Variants in CASTOR2 observed in about 807,000 individuals in gnomAD.
The protein encoded by CASTOR2 is GATS protein like 2.
In CASTOR2, 8 loss-of-function variants were observed where a neutral mutation model predicts 31.2. That is an observed-to-expected ratio of 0.26 (90% CI 0.15 to 0.46). CASTOR2 has a LOEUF of 0.46. CASTOR2 is among the 20% of genes least tolerant of loss of function. CASTOR2 has a pLI of 0.99. For missense variants in CASTOR2, 216 were observed against 382.1 expected, an observed-to-expected ratio of 0.57 and a Z score of 3.62; for synonymous variants, 162 against 158.7, an observed-to-expected ratio of 1.02 and a Z score of -0.16.
At chr7:75,022,770 G>T (rs1456001691) in intron 7 of CASTOR2, among the ~76,000 whole-genome samples, 3 of 152,144 alleles carry the variant, frequency 2.0e-5, no homozygotes, top group Non-Finnish European at 4.4e-5. Context: ...TTGCACTCCT[G>T]CCTGGGCAAC....
intron 1 of CASTOR2, among the ~76,000 whole-genome samples, chr7:74,996,926 G>A (rs1480455287): frequency 1.3e-5 from 2 of 150,618 alleles, no homozygotes; most frequent in East Asian, 3.9e-4. Context: ...GTAGAGACGG[G>A]GTTTCACCAT....
intron 1 of CASTOR2, among the ~76,000 whole-genome samples, chr7:74,982,304 C>T (rs1444124694): frequency 2.7e-5 from 4 of 148,524 alleles, no homozygotes; most frequent in African/African-American, 1.0e-4. Context: ...TGGATCTCTG[C>T]TTCACTCTTC....
At chr7:75,019,419 G>C (rs1804941673) in intron 5 of CASTOR2, among the ~76,000 whole-genome samples, 2 of 152,240 alleles carry the variant, frequency 1.3e-5, no homozygotes, top group South Asian at 4.1e-4. Flanking sequence ...GCTAGTCTGA[G>C]GTAGGAGACA....
intron 1 of CASTOR2, among the ~76,000 whole-genome samples, chr7:75,001,849 C>A (rs1446858206): frequency 6.6e-6 from 1 of 152,140 alleles, no homozygotes; most frequent in Non-Finnish European, 1.5e-5. Context: ...CACTGTCATG[C>A]GCAGTTGGAT....
chr7:75,021,183 G>C (rs1029829499), intron 6 of CASTOR2, among the ~76,000 whole-genome samples: 1 of 152,006 alleles, frequency 6.6e-6, no homozygotes, highest in Non-Finnish European at 1.5e-5. Context: ...GTAGAGACAG[G>C]GTTTTGCCAT....
chr7:74,989,550 T>TA (rs1804154839), intron 1 of CASTOR2, among the ~76,000 whole-genome samples: 1 of 150,174 alleles, frequency 6.7e-6, no homozygotes, highest in African/African-American at 2.4e-5. Context: ...GCCACCTGAG[T>TA]AGCTGAGACT....
intron 1 of CASTOR2, among the ~76,000 whole-genome samples, chr7:74,976,587 TAAC>T (rs1223472630): frequency 3.5e-5 from 5 of 142,804 alleles, no homozygotes; most frequent in African/African-American, 7.9e-5. Flanking sequence ...ATCACAATAA[TAAC>T]AACAACAACC....
At chr7:75,001,076 T>G (rs1276519609) in intron 1 of CASTOR2, among the ~76,000 whole-genome samples, 4 of 151,920 alleles carry the variant, frequency 2.6e-5, no homozygotes, top group Non-Finnish European at 5.9e-5. Context: ...CAAGCCTGCA[T>G]CTTTTATTTT....
Position 75,028,491 on chromosome 7 carries a change from C to T in CASTOR2, c.*3792C>T, listed in dbSNP as rs1805205288. Among the ~76,000 whole-genome samples the T allele has an allele frequency of 6.6e-6, 1 of 152,012 alleles. No homozygotes were observed. Among genetic ancestry groups the T allele is most frequent in the African/African-American group, 2.4e-5 (1 of 41,382 alleles). On this transcript the variant is annotated 3_prime_UTR_variant, in exon 9 of 9. Transcript: ENST00000616305. ...TGAGCTCCTGGAGTGTGTGTCTTGG[C>T]CCCTGTGTGGTTCTCCATTAAGAAA... is the stretch of plus-strand genomic sequence containing the variant.
chr7:74,990,002 T>C (rs1170885679), intron 1 of CASTOR2, among the ~76,000 whole-genome samples: 1 of 152,106 alleles, frequency 6.6e-6, no homozygotes, highest in African/African-American at 2.4e-5. Flanking sequence ...TTATAGTAAG[T>C]TATGCCGCAA....
Position 75,031,287 on chromosome 7 carries a change from G to T in CASTOR2, c.*6588G>T, listed in dbSNP as rs895987595. Among the ~76,000 whole-genome samples the T allele has an allele frequency of 6.6e-6, 1 of 152,068 alleles. No individual in the cohort carries two copies. On this transcript the variant is annotated 3_prime_UTR_variant, in exon 9 of 9. Transcript: ENST00000616305. ...CAACCCCCTCCAACCCTCACCTGGC[G>T]TGCCCGGGTCACCAGCAGCAGCAGC...
In CASTOR2 at chr7:74,999,889, A is replaced by G. The variant is rs1443253751; in HGVS notation, c.114-8105A>G. ...TGGCCTTCCAAAGTGCTGGGATTACAGGCATGAGCCACTGCGCCCGGCCAC... is the reference window on the plus strand; with the variant it reads ...TGGCCTTCCAAAGTGCTGGGATTACGGGCATGAGCCACTGCGCCCGGCCAC... On this transcript the variant is annotated intron_variant, in intron 1 of 8. Coordinates refer to ENST00000616305, the MANE Select transcript of CASTOR2 (RefSeq NM_001145064.3). Among the ~76,000 whole-genome samples, 3 of 152,292 alleles carry G rather than the reference A, an allele frequency of 2.0e-5. No homozygotes were observed. In the East Asian group the frequency reaches 5.8e-4, roughly 29 times the overall value.
At position 74,988,942 on chromosome 7, in the gene CASTOR2, C is replaced by T. The variant is rs1304639446; in HGVS notation, c.114-19052C>T. On this transcript the variant is annotated intron_variant, in intron 1 of 8. Transcript: ENST00000616305. Reference sequence around the variant, plus strand: ...ACTGTAGAATATTAGGGCATTCAGCCATAACACTGGAGGGAATTTTTCTTT... The same window carrying T: ...ACTGTAGAATATTAGGGCATTCAGCTATAACACTGGAGGGAATTTTTCTTT... Among the ~76,000 whole-genome samples the T allele has an allele frequency of 2.7e-5, 4 of 148,700 alleles. No individual in the cohort carries two copies. The South Asian group carries it at 6.3e-4, about 23-fold the overall frequency.
chr7:75,018,091 C>T lies in CASTOR2; in HGVS notation c.480C>T (p.Gly160=). The change falls in exon 4 of 9, where the codon GGC becomes GGT. Residue 160 remains glycine (G), a synonymous_variant. Transcript: ENST00000616305. ...AGACCGTGGCAGCCGAGAACCTCGG[C>T]ATCACCAATGGCTTCGTGAAGCCCA... is the stretch of plus-strand genomic sequence containing the variant. The part of the protein sequence containing the change: ...NGETVAAENL[G]ITNGFVKPKL... 6.2e-7 allele frequency: 1 copy of T among 1,614,110 alleles called. No individual in the cohort carries two copies. Among genetic ancestry groups the T allele is most frequent in the Admixed American group, 1.7e-5 (1 of 60,024 alleles).
rs1178084776 is a variant in CASTOR2 at position 75,026,188 on chromosome 7, G to GT, written c.*1489_*1490insT. 5.3e-5 allele frequency among the ~76,000 whole-genome samples: 6 copies of GT among 113,280 alleles called. No individual in the cohort carries two copies. Among genetic ancestry groups the GT allele is most frequent in the African/African-American group, 1.0e-4 (3 of 30,022 alleles). 74.3% of individuals were successfully genotyped at this position (113,280 alleles called of 152,430 possible). A position where few individuals can be genotyped will look rare whatever the true frequency, so the allele number is the denominator to read the frequency against. Reference sequence around the variant, plus strand: ...CCCCTGTGGTTTTGGCTCTGGCGGGGGTTTTTTTTTTTTTTTTTGAGATGG... The same window carrying GT: ...CCCCTGTGGTTTTGGCTCTGGCGGGGTGTTTTTTTTTTTTTTTTTGAGATGG... On this transcript the variant is annotated 3_prime_UTR_variant, in exon 9 of 9. Coordinates refer to ENST00000616305, the MANE Select transcript of CASTOR2 (RefSeq NM_001145064.3).
At position 75,025,913 on chromosome 7, in the gene CASTOR2, C is replaced by T. The variant is rs1724604401; in HGVS notation, c.*1214C>T. Among the ~76,000 whole-genome samples the T allele has an allele frequency of 6.6e-6, 1 of 152,114 alleles. No homozygotes were observed. Among genetic ancestry groups the T allele is most frequent in the Non-Finnish European group, 1.5e-5 (1 of 68,006 alleles). ...GGGAGATGTCACAGGAGCCTGGGCC[C>T]TCTCTTCTGAAGGGAAGCTAGGAGC... is the stretch of plus-strand genomic sequence containing the variant. On this transcript the variant is annotated 3_prime_UTR_variant, in exon 9 of 9. Transcript: ENST00000616305.
At chr7:74,971,948 CCT>C (rs1364599295) in intron 1 of CASTOR2, among the ~76,000 whole-genome samples, 1 of 148,994 alleles carries the variant, frequency 6.7e-6, no homozygotes, top group Non-Finnish European at 1.5e-5. Flanking sequence ...CCCAGAGTCC[CCT>C]CTGTTTTTTT....
chr7:74,965,850 T>TCACACACA (rs1177991219), intron 1 of CASTOR2, among the ~76,000 whole-genome samples: 3 of 10,612 alleles, frequency 2.8e-4, no homozygotes, highest in Admixed American at 1.5e-3. Flanking sequence ...AAAGAGGGAA[T>TCACACACA]CACACACACA....
Position 75,005,211 on chromosome 7 carries a change from CAA to C in CASTOR2, c.114-2782_114-2781del, listed in dbSNP as rs1457565755. Reference sequence around the variant, plus strand: ...ATGATCTTGTAACCACTGCCACACTCAAGAGGCCCATCCCCCCAGAATTTCCC... The same window carrying C: ...ATGATCTTGTAACCACTGCCACACTCGAGGCCCATCCCCCCAGAATTTCCC... On this transcript the variant is annotated intron_variant, in intron 1 of 8. Coordinates refer to ENST00000616305, the MANE Select transcript of CASTOR2 (RefSeq NM_001145064.3). Among the ~76,000 whole-genome samples the C allele has an allele frequency of 3.8e-4, 58 of 152,244 alleles. No homozygotes were observed. In the South Asian group the frequency reaches 7.0e-3, roughly 19 times the overall value.
Sources: gnomAD v4.1 joint callset for allele counts (sites outside exome capture counted in the v4.1 genomes callset) on GRCh38, gnomAD v4.1.1 for gene constraint, MANE v1.5 for transcripts, NCBI Gene and HGNC (gene_info 2026-07-23, HGNC 2026-07-21) for gene names.